The following FOXK2 variants were observed in gnomAD, a reference collection of about 807,000 sequenced individuals.
FOXK2 encodes forkhead box K2.
In FOXK2, 24 loss-of-function variants were observed where a neutral mutation model predicts 53.3. That is an observed-to-expected ratio of 0.45 (90% CI 0.33 to 0.63). FOXK2 has a LOEUF of 0.63. FOXK2 is among the 30% of genes least tolerant of loss of function. The probability of loss-of-function intolerance (pLI) is 0.03; values close to 1 mark genes in which losing one functional copy is unlikely to be tolerated. For synonymous variants in FOXK2, 505 were observed against 407.1 expected (o/e 1.24, Z -2.89); for missense variants, 952 against 910.5 (o/e 1.05, Z -0.59).
chr17:82,576,057 G>C lies in FOXK2; in HGVS notation c.909+4187G>C, dbSNP rs1232110114. 3.1e-5 allele frequency among the ~76,000 whole-genome samples: 4 copies of C among 129,252 alleles called. No individual in the cohort carries two copies. The Admixed American group carries it at 3.2e-4, about 10-fold the overall frequency. The allele number at this position is 129,252 out of a possible 152,430, so 84.8% of individuals were successfully genotyped here. On this transcript the variant is annotated intron_variant, in intron 4 of 8. Coordinates refer to ENST00000335255, the MANE Select transcript of FOXK2 (RefSeq NM_004514.4). ...TTCGTCCACACCAGCGTGTGCTCGG[G>C]TGGCGGCGGCGGGTTCGTCCACACC...
intron 1 of FOXK2, among the ~76,000 whole-genome samples, chr17:82,523,560 C>G (rs1446303649): frequency 6.6e-6 from 1 of 151,214 alleles, no homozygotes; most frequent in Non-Finnish European, 1.5e-5. Flanking sequence ...GCAACCTCCG[C>G]TTCCTGGGCT....
At chr17:82,535,809 G>A (rs1417857325) in intron 1 of FOXK2, among the ~76,000 whole-genome samples, 5 of 149,892 alleles carry the variant, frequency 3.3e-5, no homozygotes, top group African/African-American at 4.9e-5. Context: ...GTGCAGTGGC[G>A]CGATCTGGGC....
chr17:82,576,590 T>C lies in FOXK2; in HGVS notation c.909+4720T>C, dbSNP rs375909595. On this transcript the variant is annotated intron_variant, in intron 4 of 8. Transcript: ENST00000335255. ...GCTGGTGACATCCAGAATGTTCCAA[T>C]TCATTGGCTGGAGGGAGGACCCAGT... 40 of 907,916 alleles carry C rather than the reference T, an allele frequency of 4.4e-5. No individual in the cohort carries two copies. In the African/African-American group the frequency reaches 6.6e-4, roughly 15 times the overall value. The allele number at this position is 907,916 out of a possible 1,614,324, so 56.2% of individuals were successfully genotyped here.
chr17:82,552,100 C>A (rs2044682680), intron 1 of FOXK2, among the ~76,000 whole-genome samples: 1 of 152,230 alleles, frequency 6.6e-6, no homozygotes, highest in South Asian at 2.1e-4. Context: ...TCCGCACTCC[C>A]CTCGCGGTGG....
At chr17:82,540,406 G>A (rs2044563177) in intron 1 of FOXK2, among the ~76,000 whole-genome samples, 1 of 152,154 alleles carries the variant, frequency 6.6e-6, no homozygotes, top group African/African-American at 2.4e-5. Flanking sequence ...CTTCCTGCAC[G>A]ATTGTTGTTT....
rs142023304 is a variant in FOXK2 at position 82,586,022 on chromosome 17, C to T, written c.1398C>T (p.Pro466=). The T allele has an allele frequency of 8.0e-4, 1,291 of 1,612,818 alleles. 3 individuals are homozygous for T. Among genetic ancestry groups the T allele is most frequent in the East Asian group, 6.8e-3 (307 of 44,880 alleles). Residue 466 remains proline (P), a synonymous_variant, in exon 7 of 9, where the codon CCC becomes CCT. Transcript: ENST00000335255. ...TGACCACCTCGACCTCCCAGCCACCCGTCGTGCAGACGGTTCACGTCGTCC... is the reference window on the plus strand; with the variant it reads ...TGACCACCTCGACCTCCCAGCCACCTGTCGTGCAGACGGTTCACGTCGTCC... The part of the protein sequence containing the change: ...TPVTTSTSQP[P]VVQTVHVVHQ...
intron 4 of FOXK2, among the ~76,000 whole-genome samples, chr17:82,576,312 C>A (rs2044985476): frequency 1.3e-5 from 2 of 152,158 alleles, no homozygotes; most frequent in South Asian, 2.1e-4. Flanking sequence ...GGGAAGGACC[C>A]CCCAAGTGGA....
At chr17:82,553,303 A>G (rs1243424600) in intron 1 of FOXK2, among the ~76,000 whole-genome samples, 1 of 152,250 alleles carries the variant, frequency 6.6e-6, no homozygotes, top group Non-Finnish European at 1.5e-5. Flanking sequence ...CGCCTGAGTT[A>G]TCTGTGTCAC....
intron 2 of FOXK2, among the ~76,000 whole-genome samples, 160 bp from the exon 3 acceptor site, chr17:82,567,894 G>T (rs2044868997): frequency 6.9e-6 from 1 of 144,780 alleles, no homozygotes; most frequent in African/African-American, 2.5e-5. Flanking sequence ...ATAAGAATCT[G>T]TGTTTCCATA....
At chr17:82,559,374 C>T (rs1172295910) in intron 1 of FOXK2, 2 of 456,356 alleles carry the variant, frequency 4.4e-6, no homozygotes, top group Non-Finnish European at 8.8e-6. Context: ...GCTTCGTGTG[C>T]AGAGCCCAGC....
intron 4 of FOXK2, among the ~76,000 whole-genome samples, chr17:82,576,245 C>A (rs1467517213): frequency 7.4e-6 from 1 of 135,764 alleles, no homozygotes; most frequent in Non-Finnish European, 1.6e-5. Context: ...TTCGTCCACA[C>A]CAGCGTGTGT....
intron 1 of FOXK2, among the ~76,000 whole-genome samples, chr17:82,546,540 A>T (rs2044627147): frequency 6.6e-6 from 1 of 152,168 alleles, no homozygotes; most frequent in Non-Finnish European, 1.5e-5. Context: ...TCTTCGCTGC[A>T]GGTCCCGAGT....
At chr17:82,561,717 C>T (rs999606894) in intron 1 of FOXK2, among the ~76,000 whole-genome samples, 2 of 152,154 alleles carry the variant, frequency 1.3e-5, no homozygotes, top group African/African-American at 4.8e-5. Context: ...CCGACCCCGG[C>T]TAGAGGGTTG....
chr17:82,594,089 C>T (rs1345907791), intron 8 of FOXK2: 1 of 152,344 alleles, frequency 6.6e-6, no homozygotes, highest in African/African-American at 2.4e-5. Context: ...TCTTCTGATG[C>T]TTCCTGGAGG....
At chr17:82,592,681 A>G (rs111582094) in intron 8 of FOXK2, among the ~76,000 whole-genome samples, 8 of 152,308 alleles carry the variant, frequency 5.3e-5, no homozygotes, top group African/African-American at 1.9e-4. Flanking sequence ...GTGGTCCTCA[A>G]ATATCATTTG....
chr17:82,527,192 A>G (rs1335104803), intron 1 of FOXK2, among the ~76,000 whole-genome samples: 1 of 152,100 alleles, frequency 6.6e-6, no homozygotes, highest in Non-Finnish European at 1.5e-5. Context: ...TGTACAAATC[A>G]GTTGCCTTTA....
intron 1 of FOXK2, among the ~76,000 whole-genome samples, chr17:82,529,572 G>A (rs1184898438): frequency 6.6e-6 from 1 of 152,018 alleles, no homozygotes; most frequent in African/African-American, 2.4e-5. Context: ...ATTTTTAATA[G>A]ACAGGGTTTC....
At chr17:82,575,151 A>G (rs2044967859) in intron 4 of FOXK2, among the ~76,000 whole-genome samples, 1 of 152,234 alleles carries the variant, frequency 6.6e-6, no homozygotes. Flanking sequence ...CACACATTGC[A>G]CTAAAGCAAA....
At chr17:82,521,391 AT>A in intron 1 of FOXK2, among the ~76,000 whole-genome samples, 1 of 149,016 alleles carries the variant, frequency 6.7e-6, no homozygotes, top group Non-Finnish European at 1.5e-5. Flanking sequence ...CCAGGCTGGT[AT>A]TGAACTCCTG....
Sources: gnomAD v4.1 joint callset for allele counts (sites outside exome capture counted in the v4.1 genomes callset) on GRCh38, gnomAD v4.1.1 for gene constraint, MANE v1.5 for transcripts, NCBI Gene and HGNC (gene_info 2026-07-23, HGNC 2026-07-21) for gene names.